The following EPHB1 variants were observed in gnomAD, a reference collection of about 807,000 sequenced individuals.
EPHB1 encodes the protein EPH receptor B1, also known as ephrin type-B receptor 1.
EPHB1 carries 30 observed loss-of-function variants against 94.4 expected under a neutral mutation model. The ratio of observed to expected loss-of-function variants is 0.32; its 90% CI spans 0.24 to 0.43. The LOEUF is 0.43. Among genes scored for constraint, EPHB1 ranks in the 20% least tolerant of loss-of-function variants. The probability of loss-of-function intolerance (pLI) is 1.00; values close to 1 mark genes in which losing one functional copy is unlikely to be tolerated. For missense variants in EPHB1, 1,055 were observed against 1,308.3 expected (o/e 0.81, Z 2.99); for synonymous variants, 522 against 489.1 (o/e 1.07, Z -0.89).
chr3:135,226,208 A>G (rs1166355623), intron 12 of EPHB1, among the ~76,000 whole-genome samples: 2 of 152,152 alleles, frequency 1.3e-5, no homozygotes, highest in African/African-American at 4.8e-5. Flanking sequence ...TGCTCTTGCA[A>G]CCTGTGCCCT....
chr3:135,216,996 A>C (rs1006379255), intron 12 of EPHB1, among the ~76,000 whole-genome samples: 4 of 152,158 alleles, frequency 2.6e-5, no homozygotes, highest in Non-Finnish European at 4.4e-5. Context: ...TGGAATTAAA[A>C]GGTCTTTTCT....
chr3:135,163,691 G>C (rs1042934994), intron 7 of EPHB1, among the ~76,000 whole-genome samples: 2 of 152,226 alleles, frequency 1.3e-5, no homozygotes, highest in Admixed American at 1.3e-4. Context: ...AATTCTGCTA[G>C]ACAAATCAAG....
chr3:135,219,756 A>G (rs1943233985), intron 12 of EPHB1, among the ~76,000 whole-genome samples: 1 of 152,240 alleles, frequency 6.6e-6, no homozygotes, highest in Admixed American at 6.5e-5. Flanking sequence ...AGCCCTGATC[A>G]GCCTTGATAC....
chr3:134,982,862 C>T (rs1231097289), intron 3 of EPHB1, among the ~76,000 whole-genome samples: 1 of 151,924 alleles, frequency 6.6e-6, no homozygotes, highest in Non-Finnish European at 1.5e-5. Context: ...TAGCCTCTGG[C>T]CTGTGCAGTT....
intron 3 of EPHB1, among the ~76,000 whole-genome samples, chr3:135,103,065 C>T (rs1939088847): frequency 6.6e-6 from 1 of 151,816 alleles, no homozygotes; most frequent in African/African-American, 2.4e-5. Context: ...ATAGGTGCAG[C>T]AAACCACAAT....
chr3:134,963,659 G>A (rs1933618037), intron 3 of EPHB1, among the ~76,000 whole-genome samples: 2 of 152,136 alleles, frequency 1.3e-5, no homozygotes, highest in South Asian at 2.1e-4. Flanking sequence ...GCACCGAGAA[G>A]GTAAGTAATT....
chr3:135,049,703 A>C (rs1036010258), intron 3 of EPHB1, among the ~76,000 whole-genome samples: 1 of 152,244 alleles, frequency 6.6e-6, no homozygotes, highest in Non-Finnish European at 1.5e-5. Flanking sequence ...GAGGAGTATC[A>C]GGTACTTTGG....
chr3:135,216,701 C>A (rs1016510101), intron 12 of EPHB1, among the ~76,000 whole-genome samples: 3 of 141,876 alleles, frequency 2.1e-5, no homozygotes, highest in African/African-American at 7.9e-5. Flanking sequence ...CCAACCTGGG[C>A]CACAGAGTGA....
intron 4 of EPHB1, among the ~76,000 whole-genome samples, chr3:135,118,781 T>C (rs1939818123): frequency 6.6e-6 from 1 of 152,180 alleles, no homozygotes; most frequent in South Asian, 2.1e-4. Flanking sequence ...AGGGAGGCCC[T>C]AGCAACCCCT....
intron 3 of EPHB1, among the ~76,000 whole-genome samples, chr3:135,065,451 T>C (rs1937569146): frequency 6.6e-6 from 1 of 152,216 alleles, no homozygotes; most frequent in Admixed American, 6.5e-5. Flanking sequence ...TTTACCATTA[T>C]ATAATATCCG....
At chr3:135,005,706 G>T (rs1189454094) in intron 3 of EPHB1, among the ~76,000 whole-genome samples, 2 of 152,188 alleles carry the variant, frequency 1.3e-5, no homozygotes, top group African/African-American at 4.8e-5. Flanking sequence ...ATTCGGGTGG[G>T]AGTGTCCCGA....
At chr3:135,045,083 A>G (rs1454120280) in intron 3 of EPHB1, among the ~76,000 whole-genome samples, 1 of 152,176 alleles carries the variant, frequency 6.6e-6, no homozygotes, top group Non-Finnish European at 1.5e-5. Context: ...GTGATCTACA[A>G]GTTCAGAACT....
At chr3:134,996,360 A>G (rs559320471) in intron 3 of EPHB1, among the ~76,000 whole-genome samples, 1 of 152,032 alleles carries the variant, frequency 6.6e-6, no homozygotes, top group African/African-American at 2.4e-5. Context: ...CACCCAGCCA[A>G]TTTTTTGTAG....
At chr3:135,133,896 T>G (rs550815125) in intron 5 of EPHB1, among the ~76,000 whole-genome samples, 2 of 152,376 alleles carry the variant, frequency 1.3e-5, no homozygotes, top group South Asian at 4.1e-4. Context: ...TCATTTAGCA[T>G]GTACTGTGTG....
intron 3 of EPHB1, among the ~76,000 whole-genome samples, chr3:135,085,459 G>A (rs1326959414): frequency 1.3e-5 from 2 of 152,200 alleles, no homozygotes; most frequent in Admixed American, 6.5e-5. Context: ...TTAATGAGTG[G>A]TTGCTTCCTT....
At position 135,198,157 on chromosome 3, in the gene EPHB1, A is replaced by G. The variant is rs1190362879; in HGVS notation, c.2131-3317A>G. ...GTTCTTCTCCCTGCAAAGCTTATGC[A>G]CAGCCTTTTTCTCCACACAGCGTTT... On this transcript the variant is annotated intron_variant, in intron 11 of 15. Coordinates refer to ENST00000398015, the MANE Select transcript of EPHB1 (RefSeq NM_004441.5). Among the ~76,000 whole-genome samples, 4 of 152,332 alleles carry G rather than the reference A, an allele frequency of 2.6e-5. No individual in the cohort carries two copies. The East Asian group carries it at 7.7e-4, about 29-fold the overall frequency.
intron 4 of EPHB1, among the ~76,000 whole-genome samples, chr3:135,132,080 C>T (rs566179451): frequency 4.6e-5 from 7 of 152,136 alleles, no homozygotes; most frequent in South Asian, 2.1e-4. Flanking sequence ...TGTTTTCTTA[C>T]GTCATGGGGC....
intron 3 of EPHB1, among the ~76,000 whole-genome samples, chr3:135,079,921 AT>A (rs1307562814): frequency 6.6e-6 from 1 of 151,782 alleles, no homozygotes; most frequent in Non-Finnish European, 1.5e-5. Context: ...TCCCAAGTCC[AT>A]TTTCTGTGTC....
At chr3:134,858,839 A>T (rs537824022) in intron 1 of EPHB1, among the ~76,000 whole-genome samples, 1 of 152,322 alleles carries the variant, frequency 6.6e-6, no homozygotes, top group East Asian at 1.9e-4. Flanking sequence ...GGGTCCCCAG[A>T]GCCCAGCCTG....
Sources: allele counts gnomAD v4.1 joint callset (sites outside exome capture counted in the v4.1 genomes callset), GRCh38; gene constraint gnomAD v4.1.1; transcripts MANE v1.5; gene names NCBI Gene and HGNC (gene_info 2026-07-23, HGNC 2026-07-21).